The following VAV2 variants were observed in gnomAD, a reference collection of about 807,000 sequenced individuals.
VAV2 encodes vav guanine nucleotide exchange factor 2.
In VAV2, 67 loss-of-function variants were observed where a neutral mutation model predicts 132.5. The observed-to-expected ratio is 0.51, with a 90% confidence interval of 0.42 to 0.62. VAV2 has a LOEUF of 0.62. Ranked by LOEUF, VAV2 falls within the 20% of genes least tolerant of loss-of-function variation. VAV2 has a pLI of 0.00. For missense variants in VAV2, 938 were observed against 1,153.6 expected (o/e 0.81, Z 2.71); for synonymous variants, 492 against 443.5 (o/e 1.11, Z -1.37).
intron 9 of VAV2, among the ~76,000 whole-genome samples, chr9:133,798,749 C>T (rs1304693172): frequency 6.6e-6 from 1 of 152,232 alleles, no homozygotes; most frequent in African/African-American, 2.4e-5. Flanking sequence ...TGCCGACAAG[C>T]CTTATGACTT....
rs536711838 is a variant in VAV2 at position 133,869,740 on chromosome 9, C to A, written c.322-8308G>T. On this transcript the variant is annotated intron_variant, in intron 2 of 29. Transcript: ENST00000371850. ...GAAGAGCTTTCTGGCCCCGACCCTC[C>A]GACTGTCATTAGCAATCAGTAAGCA... is the stretch of plus-strand genomic sequence containing the variant. Among the ~76,000 whole-genome samples, 18 of 152,336 alleles carry A rather than the reference C, an allele frequency of 1.2e-4. No homozygotes were observed. The East Asian group carries it at 3.3e-3, about 28-fold the overall frequency.
rs562261009 is a variant in VAV2, at chr9:133,856,715, G to A, written c.380+4659C>T. Among the ~76,000 whole-genome samples, 9 of 152,284 alleles carry A rather than the reference G, an allele frequency of 5.9e-5. No individual in the cohort carries two copies. The South Asian group carries it at 1.9e-3, about 32-fold the overall frequency. ...GTATCGAGGGGCTGGTCCCTTTCAGGAGGTGCCGGGGAGAATTTGTCCCTT... is the reference window on the plus strand; with the variant it reads ...GTATCGAGGGGCTGGTCCCTTTCAGAAGGTGCCGGGGAGAATTTGTCCCTT... On this transcript the variant is annotated intron_variant, in intron 3 of 29. Coordinates refer to ENST00000371850, the MANE Select transcript of VAV2 (RefSeq NM_001134398.2).
In VAV2 at chr9:133,762,843, G is replaced by C. The variant is rs1189913865; in HGVS notation, c.*1219C>G. The C allele has an allele frequency of 2.6e-5, 4 of 152,596 alleles. No individual in the cohort carries two copies. Among genetic ancestry groups the C allele is most frequent in the African/African-American group, 7.2e-5 (3 of 41,470 alleles). The allele number at this position is 152,596 out of a possible 1,614,324, so 9.5% of individuals were successfully genotyped here. A position where few individuals can be genotyped will look rare whatever the true frequency, so the allele number is the denominator to read the frequency against. ...CCCACAGGCTGTGCAGCTGGCCAGA[G>C]GGAGAAGGGGCTACAAGAAGCCCAG... is the stretch of plus-strand genomic sequence containing the variant. On this transcript the variant is annotated 3_prime_UTR_variant, in exon 30 of 30. Transcript: ENST00000371850. The surrounding 1 kb of genome is among the most constrained non-coding windows in gnomAD (Gnocchi z 5.0).
chr9:133,904,676 T>C (rs1345092874), intron 2 of VAV2, among the ~76,000 whole-genome samples: 1 of 152,196 alleles, frequency 6.6e-6, no homozygotes, highest in African/African-American at 2.4e-5. Context: ...CACGGGGCCG[T>C]CGGGTGCCAG....
At position 133,879,847 on chromosome 9, in the gene VAV2, C is replaced by T. The variant is rs892992003; in HGVS notation, c.322-18415G>A. ...TTTATGGAAACAGATGGAAACCGGC[C>T]GCAGACGAAGCTCTGGCATCCAGAT... On this transcript the variant is annotated intron_variant, in intron 2 of 29. Coordinates refer to ENST00000371850, the MANE Select transcript of VAV2 (RefSeq NM_001134398.2). This position sits in a 1 kb window ranked among gnomAD's most constrained non-coding sequence, Gnocchi z 4.4. Among the ~76,000 whole-genome samples, 1 of 152,206 alleles carries T rather than the reference C, an allele frequency of 6.6e-6. No homozygotes were observed.
Position 133,823,537 on chromosome 9 carries a change from G to C in VAV2, c.449+10735C>G, listed in dbSNP as rs1170211581. ...TCAGTCAGATCTACGCTGAATACAAGGGAAATAACGTCAAAAGGGAGAAGT... is the reference window on the plus strand; with the variant it reads ...TCAGTCAGATCTACGCTGAATACAACGGAAATAACGTCAAAAGGGAGAAGT... On this transcript the variant is annotated intron_variant, in intron 4 of 29. Transcript: ENST00000371850. This position sits in a 1 kb window ranked among gnomAD's most constrained non-coding sequence, Gnocchi z 5.5. Among the ~76,000 whole-genome samples, 1 of 152,184 alleles carries C rather than the reference G, an allele frequency of 6.6e-6. No homozygotes were observed. Among genetic ancestry groups the C allele is most frequent in the Non-Finnish European group, 1.5e-5 (1 of 68,038 alleles).
chr9:133,812,028 G>C, intron 5 of VAV2, 86 bp downstream of exon 5: 1 of 1,394,548 alleles, frequency 7.2e-7, no homozygotes, highest in Non-Finnish European at 1.0e-6. Flanking sequence ...CAGACATGGG[G>C]ACAGCTCGGT....
intron 2 of VAV2, among the ~76,000 whole-genome samples, chr9:133,869,456 A>AT (rs112015737): frequency 0.2 from 30,328 of 151,918 alleles, 4,081 homozygotes; most frequent in African/African-American, 0.39. Context: ...AAATAAAAAA[A>AT]AAAAATAACC....
At chr9:133,880,995 C>T (rs1258513079) in intron 2 of VAV2, among the ~76,000 whole-genome samples, 2 of 152,210 alleles carry the variant, frequency 1.3e-5, no homozygotes, top group African/African-American at 2.4e-5. Context: ...CTGTCAGGTG[C>T]TCCCGGGGGC....
In VAV2 at chr9:133,961,785, T is replaced by C. The variant is rs1841973800; in HGVS notation, c.205-22566A>G. On this transcript the variant is annotated intron_variant, in intron 1 of 29. Coordinates refer to ENST00000371850, the MANE Select transcript of VAV2 (RefSeq NM_001134398.2). This position sits in a 1 kb window ranked among gnomAD's most constrained non-coding sequence, Gnocchi z 4.1. Reference sequence around the variant, plus strand: ...CTCAGGGAGAAGACCCGGGCTTGCATGATGTACACCAGGGAGCCCACAGGA... The same window carrying C: ...CTCAGGGAGAAGACCCGGGCTTGCACGATGTACACCAGGGAGCCCACAGGA... 6.6e-6 allele frequency among the ~76,000 whole-genome samples: 1 copy of C among 152,080 alleles called. No individual in the cohort carries two copies. The highest frequency in any genetic ancestry group is 2.4e-5 in the African/African-American group (1 of 41,414).
Position 133,807,268 on chromosome 9 carries a change from A to G in VAV2, c.725T>C (p.Ile242Thr). ...LSPADMAAVF[I>T]NLEDLIKVHH... The stretch of plus-strand genomic sequence containing the variant: ...GGCCGGGACCCTTACCTCCAGGTTA[A>G]TGAAGACAGCTGCCATGTCCGCCGG... Residue 242 changes from isoleucine to threonine, a missense_variant, in exon 8 of 30, where the codon ATT becomes ACT. Coordinates refer to ENST00000371850, the MANE Select transcript of VAV2 (RefSeq NM_001134398.2). 6.2e-7 allele frequency: 1 copy of G among 1,610,830 alleles called. No individual in the cohort carries two copies. Among genetic ancestry groups the G allele is most frequent in the Non-Finnish European group, 8.5e-7 (1 of 1,179,246 alleles).
chr9:133,856,805 C>T (rs1374024200), intron 3 of VAV2, among the ~76,000 whole-genome samples: 1 of 152,160 alleles, frequency 6.6e-6, no homozygotes, highest in Non-Finnish European at 1.5e-5. Context: ...CTAACTCTGC[C>T]GTCACATCTC....
At chr9:133,989,999 G>A (rs563856035) in intron 1 of VAV2, among the ~76,000 whole-genome samples, 62 of 152,368 alleles carry the variant, frequency 4.1e-4, no homozygotes, top group African/African-American at 1.4e-3. Context: ...CTGTGCGAAG[G>A]GTGTGCCTTC....
At chr9:133,806,046 G>T (rs751557806) in intron 9 of VAV2, 35 bp downstream of exon 9, 1 of 1,596,886 alleles carries the variant, frequency 6.3e-7, no homozygotes, top group African/African-American at 1.3e-5. Flanking sequence ...AGACAGGGAG[G>T]GGCCAAGGAG....
At chr9:133,818,840 C>G (rs971429229) in intron 4 of VAV2, among the ~76,000 whole-genome samples, 1 of 152,076 alleles carries the variant, frequency 6.6e-6, no homozygotes, top group Non-Finnish European at 1.5e-5. Context: ...TTCTTGGACC[C>G]GAGATGCTAT....
intron 7 of VAV2, 150 bp from the exon 8 acceptor site, chr9:133,807,476 G>A (rs1835195323): frequency 1.3e-6 from 1 of 743,188 alleles, no homozygotes; most frequent in African/African-American, 1.8e-5. Flanking sequence ...GGCCACATCG[G>A]GCTCCATTCT....
intron 9 of VAV2, among the ~76,000 whole-genome samples, chr9:133,803,805 ATCCT>A (rs1192555081): frequency 6.6e-6 from 1 of 151,876 alleles, no homozygotes; most frequent in Non-Finnish European, 1.5e-5. Context: ...AAAATTCTAA[ATCCT>A]TCCTTTGGCC....
rs1322166411 is a variant in VAV2 at position 133,912,781 on chromosome 9, C to T, written c.321+26322G>A. Among the ~76,000 whole-genome samples, 1 of 152,100 alleles carries T rather than the reference C, an allele frequency of 6.6e-6. No individual in the cohort carries two copies. Among genetic ancestry groups the T allele is most frequent in the Non-Finnish European group, 1.5e-5 (1 of 68,016 alleles). ...TAAGCTAATAAGTACTTGTTCAGCC[C>T]CTCTAAAATCACAATCGTCCTGTCC... On this transcript the variant is annotated intron_variant, in intron 2 of 29. Transcript: ENST00000371850. This position sits in a 1 kb window ranked among gnomAD's most constrained non-coding sequence, Gnocchi z 4.3.
At chr9:133,972,318 G>A (rs1364566858) in intron 1 of VAV2, among the ~76,000 whole-genome samples, 3 of 152,180 alleles carry the variant, frequency 2.0e-5, no homozygotes, top group Non-Finnish European at 4.4e-5. Context: ...CTGGGCACCC[G>A]TCCGTCCGAC....
Sources: allele counts gnomAD v4.1 joint callset (sites outside exome capture counted in the v4.1 genomes callset), GRCh38; gene constraint gnomAD v4.1.1; non-coding constraint Gnocchi (gnomAD v3.1); transcripts MANE v1.5; gene names NCBI Gene and HGNC (gene_info 2026-07-23, HGNC 2026-07-21).